RAB3IL1: variants seen among roughly 807,000 people sequenced by gnomAD.
The protein encoded by RAB3IL1 is guanine nucleotide exchange factor for Rab-3A.
RAB3IL1 carries 37 observed loss-of-function variants against 49.2 expected under a neutral mutation model. The ratio of observed to expected loss-of-function variants is 0.75; its 90% CI spans 0.58 to 0.99. RAB3IL1 has a LOEUF of 0.99. RAB3IL1 is among the 50% of genes least tolerant of loss of function. RAB3IL1 has a pLI of 0.00. For synonymous variants in RAB3IL1, 193 were observed against 213.9 expected, an observed-to-expected ratio of 0.90 and a Z score of 0.85; for missense variants, 484 against 513.0, an observed-to-expected ratio of 0.94 and a Z score of 0.55.
chr11:61,914,568 G>A (rs1939597615), intron 1 of RAB3IL1, among the ~76,000 whole-genome samples: 1 of 152,176 alleles, frequency 6.6e-6, no homozygotes. Context: ...GGACAACCCA[G>A]TTTGGAGGGG....
intron 5 of RAB3IL1, among the ~76,000 whole-genome samples, chr11:61,905,417 A>T (rs1483538332): frequency 6.6e-6 from 1 of 151,820 alleles, no homozygotes; most frequent in Non-Finnish European, 1.5e-5. Context: ...AGGGAGAGGG[A>T]GTGGAGGCAG....
At chr11:61,907,499 G>A (rs1939252415) in intron 3 of RAB3IL1, 29 bp from the exon 4 acceptor site, 1 of 1,613,802 alleles carries the variant, frequency 6.2e-7, no homozygotes, top group African/African-American at 1.3e-5. Flanking sequence ...CTGCGTGAGT[G>A]GTGAGGAGCC....
At chr11:61,930,653 C>A in the RAB3IL1 span, among the ~76,000 whole-genome samples, 120 of 152,142 alleles carry the variant, frequency 7.9e-4, no homozygotes, top group African/African-American at 2.8e-3. Context: ...TGGTGCAGGC[C>A]TGTAGTCCCA....
intron 8 of RAB3IL1, among the ~76,000 whole-genome samples, chr11:61,899,999 A>G (rs1337008127): frequency 1.3e-5 from 2 of 152,180 alleles, no homozygotes; most frequent in Non-Finnish European, 2.9e-5. Context: ...TGCCTGGCCC[A>G]GGGCCCCTTC....
At chr11:61,931,930 A>T in the RAB3IL1 span, among the ~76,000 whole-genome samples, 1 of 152,210 alleles carries the variant, frequency 6.6e-6, no homozygotes, top group Non-Finnish European at 1.5e-5. Flanking sequence ...AGAAGATTCA[A>T]TATCTGAATA....
the RAB3IL1 span, among the ~76,000 whole-genome samples, chr11:61,936,539 G>A: frequency 2.6e-5 from 4 of 152,152 alleles, no homozygotes; most frequent in African/African-American, 7.2e-5. Context: ...ACAGGGTTTC[G>A]CCATGTTGAC....
intron 4 of RAB3IL1, 46 bp downstream of exon 4, chr11:61,907,347 A>T: frequency 6.3e-7 from 1 of 1,594,844 alleles, no homozygotes; most frequent in Non-Finnish European, 8.6e-7. Context: ...GCCGGGAGGC[A>T]GGGGGGGTGC....
chr11:61,932,768 CA>C, the RAB3IL1 span, among the ~76,000 whole-genome samples: 1 of 141,466 alleles, frequency 7.1e-6, no homozygotes, highest in East Asian at 2.8e-4. Context: ...AACTATAGTT[CA>C]TTTTTTTTTT....
chr11:61,904,676 G>A lies in RAB3IL1; in HGVS notation c.787-18C>T, dbSNP rs1939088517. 1.9e-6 allele frequency: 3 copies of A among 1,603,760 alleles called. No individual in the cohort carries two copies. Among genetic ancestry groups the A allele is most frequent in the South Asian group, 1.1e-5 (1 of 89,572 alleles). ...ACCGAGAGCTGTGGCAGACCAGGGA[G>A]GCAGGCAGGGTGGTAAGGGGCTGGG... is the stretch of plus-strand genomic sequence containing the variant. On this transcript the variant is annotated intron_variant, in intron 6 of 9. Transcript: ENST00000394836.
At chr11:61,927,535 T>G in the RAB3IL1 span, among the ~76,000 whole-genome samples, 11 of 152,112 alleles carry the variant, frequency 7.2e-5, no homozygotes, top group South Asian at 2.1e-3. Flanking sequence ...GGGAGACCAT[T>G]GAAAGAGTTG....
Position 61,917,541 on chromosome 11 carries a change from C to CCCCGA in RAB3IL1, c.-179_-175dup, listed in dbSNP as rs1939759413. On this transcript the variant is annotated 5_prime_UTR_variant, in exon 1 of 10. Transcript: ENST00000394836. ...CCTGGGCTCGCGGCCCCCAGCCCAG[C>CCCCGA]CCCGACCCTGCCCTGGGCGGGTCAC... The CCCCGA allele has an allele frequency of 9.0e-7, 1 of 1,109,310 alleles. No individual in the cohort carries two copies. The highest frequency in any genetic ancestry group is 1.1e-6 in the Non-Finnish European group (1 of 911,178). The allele number at this position is 1,109,310 out of a possible 1,614,324, so 68.7% of individuals were successfully genotyped here.
chr11:61,939,975 C>A, the RAB3IL1 span, among the ~76,000 whole-genome samples: 1 of 147,376 alleles, frequency 6.8e-6, no homozygotes, highest in African/African-American at 2.5e-5. Context: ...AAAAAAGGAA[C>A]GAAAGTAGAA....
the RAB3IL1 span, among the ~76,000 whole-genome samples, chr11:61,934,488 A>ATATG: frequency 2.3e-5 from 3 of 128,108 alleles, no homozygotes; most frequent in African/African-American, 8.9e-5. Context: ...ATATATATAT[A>ATATG]TATATATTCT....
chr11:61,927,317 C>A, the RAB3IL1 span, among the ~76,000 whole-genome samples: 1 of 152,088 alleles, frequency 6.6e-6, no homozygotes, highest in African/African-American at 2.4e-5. Context: ...GGCAGAACAG[C>A]GAGCCAGAGA....
rs770752805 is a variant in RAB3IL1 at position 61,898,411 on chromosome 11, G to A, written c.1067-51C>T. On this transcript the variant is annotated intron_variant, in intron 9 of 9. Coordinates refer to ENST00000394836, the MANE Select transcript of RAB3IL1 (RefSeq NM_013401.4). The surrounding 1 kb of genome is among the most constrained non-coding windows in gnomAD (Gnocchi z 5.1). ...GTCGGGGACAGCTCAGGGTCACCTC[G>A]GGCAGATGGCCAGGTCCCCTCCTGT... 34 of 1,510,400 alleles carry A rather than the reference G, an allele frequency of 2.3e-5. No individual in the cohort carries two copies. Among genetic ancestry groups the A allele is most frequent in the Non-Finnish European group, 3.0e-5 (33 of 1,089,646 alleles). The allele number at this position is 1,510,400 out of a possible 1,614,324, so 93.6% of individuals were successfully genotyped here. A position where few individuals can be genotyped will look rare whatever the true frequency, so the allele number is the denominator to read the frequency against.
chr11:61,899,181 C>A, intron 9 of RAB3IL1, 133 bp downstream of exon 9: 1 of 1,048,348 alleles, frequency 9.5e-7, no homozygotes, highest in Non-Finnish European at 1.4e-6. Flanking sequence ...TTTACTAAAC[C>A]ACAACCCTCC....
intron 7 of RAB3IL1, 144 bp from the exon 8 acceptor site, chr11:61,902,685 C>A: frequency 1.4e-6 from 1 of 718,210 alleles, no homozygotes; most frequent in South Asian, 1.8e-5. Context: ...CAAAGGAACC[C>A]AGAGCCAGGC....
chr11:61,935,449 G>A, the RAB3IL1 span, among the ~76,000 whole-genome samples: 1 of 150,996 alleles, frequency 6.6e-6, no homozygotes, highest in Non-Finnish European at 1.5e-5. Context: ...GAAAGAAACT[G>A]TTTCTGAGGA....
chr11:61,901,625 G>C (rs1269392359), intron 8 of RAB3IL1, among the ~76,000 whole-genome samples: 1 of 152,246 alleles, frequency 6.6e-6, no homozygotes, highest in Non-Finnish European at 1.5e-5. Flanking sequence ...TGGCTCTGAA[G>C]TCAGCTGCCC....
Sources: gnomAD v4.1 joint callset for allele counts (sites outside exome capture counted in the v4.1 genomes callset) on GRCh38, gnomAD v4.1.1 for gene constraint, Gnocchi (gnomAD v3.1) non-coding constraint, MANE v1.5 for transcripts, NCBI Gene and HGNC (gene_info 2026-07-23, HGNC 2026-07-21) for gene names.